Variants in SAPCD2 observed in about 807,000 individuals in gnomAD.
SAPCD2 encodes suppressor APC domain-containing protein 2.
SAPCD2 carries 34 observed loss-of-function variants against 37.8 expected under a neutral mutation model. The ratio of observed to expected loss-of-function variants is 0.90; its 90% CI spans 0.68 to 1.20. The LOEUF (loss-of-function observed/expected upper bound fraction) is 1.20, where lower values mean the gene tolerates loss of function less well. Among genes scored for constraint, SAPCD2 ranks in the 50% most tolerant of loss-of-function variants. The pLI, the probability that SAPCD2 is intolerant of heterozygous loss-of-function variation, is 0.00. For synonymous variants in SAPCD2, 275 were observed against 270.3 expected, an observed-to-expected ratio of 1.02 and a Z score of -0.17; for missense variants, 572 against 584.7, an observed-to-expected ratio of 0.98 and a Z score of 0.22.
At position 137,064,969 on chromosome 9, in the gene SAPCD2, G is replaced by C; in HGVS notation, c.950C>G (p.Pro317Arg). 6.6e-7 allele frequency: 1 copy of C among 1,525,938 alleles called. No individual in the cohort carries two copies. The highest frequency in any genetic ancestry group is 8.9e-7 in the Non-Finnish European group (1 of 1,127,392). The allele number at this position is 1,525,938 out of a possible 1,614,324, so 94.5% of individuals were successfully genotyped here. ...AAACASRALP[P>R]SSSGPPCPAL... ...AGGGCAGGGGGGCCCGGAGGAGGACGGGGGCAGGGCCTGCGGGAGGGCAGG... is the reference window on the plus strand; with the variant it reads ...AGGGCAGGGGGGCCCGGAGGAGGACCGGGGCAGGGCCTGCGGGAGGGCAGG... Residue 317 changes from proline to arginine, a missense_variant, in exon 5 of 6, where the codon CCG (proline) becomes CGG (arginine). Transcript: ENST00000409687.
chr9:137,069,961 G>T lies in SAPCD2; in HGVS notation c.500C>A (p.Ala167Glu). ...CTCGGGCTCCGCGGGGCAGGGCGCC[G>T]CCTCAGCCGGGGCGCACAGCTGCTC... is the stretch of plus-strand genomic sequence containing the variant. ...SPEQLCAPAEAAPCPAEPERS... is the reference protein window; with the variant it reads ...SPEQLCAPAEEAPCPAEPERS... The change falls in exon 1 of 6, where the codon GCG (alanine) becomes GAG (glutamate). Residue 167 changes from alanine (A) to glutamate (E), a missense_variant. By Grantham distance (107) the Ala-to-Glu change is moderately radical. Coordinates refer to ENST00000409687, the MANE Select transcript of SAPCD2 (RefSeq NM_178448.4). The T allele has an allele frequency of 1.6e-6, 2 of 1,252,142 alleles. No individual in the cohort carries two copies. The highest frequency in any genetic ancestry group is 4.2e-5 in the Admixed American group (1 of 23,662). 77.6% of individuals were successfully genotyped at this position (1,252,142 alleles called of 1,614,324 possible).
chr9:137,068,677 T>C (rs1350380925), intron 1 of SAPCD2, among the ~76,000 whole-genome samples: 2 of 152,238 alleles, frequency 1.3e-5, no homozygotes, highest in Non-Finnish European at 2.9e-5. Context: ...GCCCTAGCCA[T>C]GTGGCCTTCA....
At position 137,065,763 on chromosome 9, in the gene SAPCD2, A is replaced by G. The variant is rs566939845; in HGVS notation, c.685-95T>C. 1.9e-4 allele frequency: 267 copies of G among 1,435,574 alleles called. 1 individual carries two copies. Among genetic ancestry groups the G allele is most frequent in the Non-Finnish European group, 2.4e-4 (251 of 1,052,516 alleles). 88.9% of individuals were successfully genotyped at this position (1,435,574 alleles called of 1,614,324 possible). ...TCACCTGTGGGTGGGCACCAGAGCC[A>G]CAGACACAAATGCAGCAGCACGTGT... On this transcript the variant is annotated intron_variant, in intron 2 of 5. Transcript: ENST00000409687.
chr9:137,068,622 C>G (rs2131531369), intron 1 of SAPCD2, among the ~76,000 whole-genome samples: 1 of 152,356 alleles, frequency 6.6e-6, no homozygotes, highest in South Asian at 2.1e-4. Context: ...TATGTCACGC[C>G]ATTTGTCTGG....
Position 137,064,917 on chromosome 9 carries a change from G to A in SAPCD2, c.1002C>T (p.Val334=), listed in dbSNP as rs544319333. 4.7e-4 allele frequency: 739 copies of A among 1,557,786 alleles called. 13 individuals carry two copies. In the South Asian group the frequency reaches 7.3e-3, roughly 15 times the overall value. Residue 334 remains valine (V), a synonymous_variant, in exon 5 of 6, where the codon GTC becomes GTT. Transcript: ENST00000409687. ...CPALTSTSPP[V]WQQQTILMLK... is the part of the protein sequence containing the mutation. ...GCATGAGGATGGTCTGCTGCTGCCA[G>A]ACCGGGGGTGAGGTGGACGTCAGGG...
chr9:137,070,489 C>G lies in SAPCD2; in HGVS notation c.-29G>C, dbSNP rs1832611305. 2 of 1,199,860 alleles carry G rather than the reference C, an allele frequency of 1.7e-6. No individual in the cohort carries two copies. The highest frequency in any genetic ancestry group is 8.8e-5 in the Admixed American group (2 of 22,690). 74.3% of individuals were successfully genotyped at this position (1,199,860 alleles called of 1,614,324 possible). A position where few individuals can be genotyped will look rare whatever the true frequency, so the allele number is the denominator to read the frequency against. ...CGCCCGGGATCGGTCCCCTCGTCCA[C>G]CCGCGTGCGTCCCAGCGCGGCCCCA... On this transcript the variant is annotated 5_prime_UTR_variant, in exon 1 of 6. Transcript: ENST00000409687.
At position 137,070,102 on chromosome 9, in the gene SAPCD2, G is replaced by C; in HGVS notation, c.359C>G (p.Pro120Arg). 8.6e-7 allele frequency: 1 copy of C among 1,159,894 alleles called. No individual in the cohort carries two copies. The allele number at this position is 1,159,894 out of a possible 1,614,324, so 71.9% of individuals were successfully genotyped here. A position where few individuals can be genotyped will look rare whatever the true frequency, so the allele number is the denominator to read the frequency against. Residue 120 changes from proline to arginine, a missense_variant, in exon 1 of 6, where the codon CCG becomes CGG. Coordinates refer to ENST00000409687, the MANE Select transcript of SAPCD2 (RefSeq NM_178448.4). ...ARPGDQPPPP[P>R]QRLVFAPADE... ...GGCCGGAGCGAACACCAGGCGCTGC[G>C]GCGGCGGCGGCGGCTGATCCCCGGG...
chr9:137,070,523 C>T lies in SAPCD2; in HGVS notation c.-63G>A. On this transcript the variant is annotated 5_prime_UTR_variant, in exon 1 of 6. Transcript: ENST00000409687. ...GTCCCAGCGCGGCCCCACGGAGGGGCCGGCCCGGCGAGCTCAGCCCACGGC... is the reference window on the plus strand; with the variant it reads ...GTCCCAGCGCGGCCCCACGGAGGGGTCGGCCCGGCGAGCTCAGCCCACGGC... 6.5e-6 allele frequency: 7 copies of T among 1,076,564 alleles called. No homozygotes were observed. Among genetic ancestry groups the T allele is most frequent in the African/African-American group, 1.7e-5 (1 of 60,384 alleles). 66.7% of individuals were successfully genotyped at this position (1,076,564 alleles called of 1,614,324 possible). A position where few individuals can be genotyped will look rare whatever the true frequency, so the allele number is the denominator to read the frequency against.
At chr9:137,066,142 T>A in intron 2 of SAPCD2, 120 bp downstream of exon 2, 1 of 801,836 alleles carries the variant, frequency 1.2e-6, no homozygotes, top group Non-Finnish European at 2.0e-6. Context: ...GAGAGAGATG[T>A]CCAGAGCTGA....
At chr9:137,065,226 C>T in intron 3 of SAPCD2, 41 bp from the exon 4 acceptor site, 1 of 1,349,448 alleles carries the variant, frequency 7.4e-7, no homozygotes. Context: ...AGAGGAGGTC[C>T]AGCCGGGGCC....
chr9:137,066,723 G>A (rs1832551376), intron 1 of SAPCD2, among the ~76,000 whole-genome samples: 1 of 152,250 alleles, frequency 6.6e-6, no homozygotes, highest in African/African-American at 2.4e-5. Flanking sequence ...CAAGGCAGCT[G>A]GGTAAGGGAG....
In SAPCD2 at chr9:137,070,492, G is replaced by A. The variant is rs1832611396; in HGVS notation, c.-32C>T. 6 of 1,194,128 alleles carry A rather than the reference G, an allele frequency of 5.0e-6. No individual in the cohort carries two copies. In the South Asian group the frequency reaches 2.0e-4, roughly 40 times the overall value. The allele number at this position is 1,194,128 out of a possible 1,614,324, so 74.0% of individuals were successfully genotyped here. On this transcript the variant is annotated 5_prime_UTR_variant, in exon 1 of 6. Transcript: ENST00000409687. The stretch of plus-strand genomic sequence containing the variant: ...CCGGGATCGGTCCCCTCGTCCACCC[G>A]CGTGCGTCCCAGCGCGGCCCCACGG...
In SAPCD2 at chr9:137,064,677, C is replaced by T; in HGVS notation, c.1167G>A (p.Leu389=). Residue 389 remains leucine (L), a synonymous_variant, in exon 6 of 6, where the codon CTG becomes CTA. Transcript: ENST00000409687. ...ACAAGGACTAGATGAAGGTGGAATC[C>T]AGAGGTCCCCCGTCCTGCTGGCTCA... The part of the protein sequence containing the change: ...RALSQQDGGP[L]DSTFI The T allele has an allele frequency of 6.3e-7, 1 of 1,597,650 alleles. No homozygotes were observed. Among genetic ancestry groups the T allele is most frequent in the South Asian group, 1.1e-5 (1 of 88,730 alleles).
At chr9:137,068,327 G>A (rs1455353194) in intron 1 of SAPCD2, among the ~76,000 whole-genome samples, 3 of 152,220 alleles carry the variant, frequency 2.0e-5, no homozygotes, top group African/African-American at 4.8e-5. Context: ...AGTCCATAGA[G>A]CAGCTCCTGG....
chr9:137,065,217 G>T, intron 3 of SAPCD2, 32 bp from the exon 4 acceptor site: 1 of 1,394,350 alleles, frequency 7.2e-7, no homozygotes, highest in Non-Finnish European at 9.4e-7. Flanking sequence ...AGCGGTCAGA[G>T]AGGAGGTCCA....
intron 1 of SAPCD2, among the ~76,000 whole-genome samples, chr9:137,069,477 T>C (rs1251632308): frequency 1.3e-5 from 2 of 152,146 alleles, no homozygotes; most frequent in African/African-American, 2.4e-5. Context: ...GACCCTTTCT[T>C]TGAGAAGGAA....
rs1251343977 is a variant in SAPCD2 at position 137,063,651 on chromosome 9, T to C, written c.*1008A>G. The stretch of plus-strand genomic sequence containing the variant: ...GGGCTGAGCAGGGCCCCCCCACCAG[T>C]GCGTACTCCAGCACCAGCGGGAGTG... On this transcript the variant is annotated 3_prime_UTR_variant, in exon 6 of 6. Transcript: ENST00000409687. 1 of 152,192 alleles carries C rather than the reference T, an allele frequency of 6.6e-6. No homozygotes were observed. The allele number at this position is 152,192 out of a possible 1,614,324, so 9.4% of individuals were successfully genotyped here.
chr9:137,065,380 G>A (rs1013347026), intron 3 of SAPCD2, 142 bp downstream of exon 3: 68 of 1,137,280 alleles, frequency 6.0e-5, no homozygotes, highest in African/African-American at 9.4e-5. Flanking sequence ...AGCCACAGGC[G>A]GAGAAAGGGA....
chr9:137,066,218 C>T (rs1403271507), intron 2 of SAPCD2, 44 bp downstream of exon 2: 1 of 1,495,392 alleles, frequency 6.7e-7, no homozygotes. Flanking sequence ...CCTCCAGCCT[C>T]CAGGCAAGAT....
Sources: allele counts gnomAD v4.1 joint callset (sites outside exome capture counted in the v4.1 genomes callset), GRCh38; gene constraint gnomAD v4.1.1; transcripts MANE v1.5; gene names NCBI Gene and HGNC (gene_info 2026-07-23, HGNC 2026-07-21).